ARHGEF10L: variants seen among roughly 807,000 people sequenced by gnomAD.
ARHGEF10L encodes the protein rho guanine nucleotide exchange factor 10-like protein.
Under a neutral mutation model 141.2 loss-of-function variants are expected in ARHGEF10L, and 69 were observed. That is an observed-to-expected ratio of 0.49 (90% CI 0.40 to 0.60). ARHGEF10L has a LOEUF of 0.60. Ranked by LOEUF, ARHGEF10L falls within the 20% of genes least tolerant of loss-of-function variation. The probability of loss-of-function intolerance (pLI) is 0.00; values close to 1 mark genes in which losing one functional copy is unlikely to be tolerated. For synonymous variants in ARHGEF10L, 711 were observed against 718.5 expected (o/e 0.99, Z 0.17); for missense variants, 1,482 against 1,734.3 (o/e 0.85, Z 2.58).
At position 17,697,326 on chromosome 1, in the gene ARHGEF10L, G is replaced by A. The variant is rs200943209; in HGVS notation, c.3786G>A (p.Pro1262=). 289 of 1,611,594 alleles carry A rather than the reference G, an allele frequency of 1.8e-4. No homozygotes were observed. The highest frequency in any genetic ancestry group is 2.1e-4 in the Non-Finnish European group (252 of 1,179,164). ...SALGSSGRQA[P]CGETDSTLLI... ...TGGGCAGCAGTGGGAGGCAGGCCCC[G>A]TGTGGGGAGACGGACAGCACCCTCC... Residue 1262 remains proline, a synonymous_variant, in exon 29 of 29, where the codon CCG becomes CCA. Coordinates refer to ENST00000361221, the MANE Select transcript of ARHGEF10L (RefSeq NM_018125.4). The surrounding 1 kb of genome is among the most constrained non-coding windows in gnomAD (Gnocchi z 4.8).
intron 1 of ARHGEF10L, among the ~76,000 whole-genome samples, chr1:17,569,927 A>T (rs537587244): frequency 6.6e-6 from 1 of 152,256 alleles, no homozygotes; most frequent in Non-Finnish European, 1.5e-5. Flanking sequence ...CCTTCTGACC[A>T]TTTCCTGGCA....
chr1:17,551,276 C>T (rs999976336), intron 1 of ARHGEF10L, among the ~76,000 whole-genome samples: 4 of 152,126 alleles, frequency 2.6e-5, no homozygotes, highest in Admixed American at 6.5e-5. Flanking sequence ...TAAGGTGTGG[C>T]GCCCCTTAAT....
At chr1:17,549,125 C>T (rs990259902) in intron 1 of ARHGEF10L, among the ~76,000 whole-genome samples, 9 of 151,828 alleles carry the variant, frequency 5.9e-5, no homozygotes, top group South Asian at 4.2e-4. Context: ...TGGGTTCGAG[C>T]GATTCTCCAG....
At chr1:17,606,335 C>A (rs975804358) in intron 6 of ARHGEF10L, among the ~76,000 whole-genome samples, 12 of 151,712 alleles carry the variant, frequency 7.9e-5, no homozygotes, top group Non-Finnish European at 1.5e-4. Context: ...TCTCTGTCAC[C>A]CAGGCTGGAG....
rs1268918253 is a variant in ARHGEF10L at position 17,627,854 on chromosome 1, C to T, written c.1584+351C>T. 6.6e-6 allele frequency among the ~76,000 whole-genome samples: 1 copy of T among 152,054 alleles called. No homozygotes were observed. Among genetic ancestry groups the T allele is most frequent in the Non-Finnish European group, 1.5e-5 (1 of 68,004 alleles). ...GCTGTGTGCCCTCAAGGGAATCACCCACCCTCTCTGAACCTCACTTGCTCC... is the reference window on the plus strand; with the variant it reads ...GCTGTGTGCCCTCAAGGGAATCACCTACCCTCTCTGAACCTCACTTGCTCC... On this transcript the variant is annotated intron_variant, in intron 15 of 28. Coordinates refer to ENST00000361221, the MANE Select transcript of ARHGEF10L (RefSeq NM_018125.4). The surrounding 1 kb of genome is among the most constrained non-coding windows in gnomAD (Gnocchi z 4.0).
chr1:17,582,726 T>C (rs1394347325), intron 2 of ARHGEF10L, among the ~76,000 whole-genome samples: 7 of 152,190 alleles, frequency 4.6e-5, no homozygotes, highest in East Asian at 1.9e-4. Flanking sequence ...CCCTTCCTCT[T>C]GGCACCGTCT....
At chr1:17,650,259 A>T (rs569589799) in intron 22 of ARHGEF10L, among the ~76,000 whole-genome samples, 5 of 151,394 alleles carry the variant, frequency 3.3e-5, no homozygotes, top group African/African-American at 2.4e-5. Context: ...AAATAAAAAT[A>T]AAAAAAAATT....
intron 1 of ARHGEF10L, among the ~76,000 whole-genome samples, 200 bp downstream of exon 1, chr1:17,540,150 G>A (rs2076665907): frequency 6.6e-6 from 1 of 152,154 alleles, no homozygotes; most frequent in Middle Eastern, 3.4e-3. Flanking sequence ...CCCTCTGTGT[G>A]GGTCTCTCCT....
chr1:17,692,154 G>T (rs2065152832), intron 27 of ARHGEF10L, among the ~76,000 whole-genome samples: 1 of 152,160 alleles, frequency 6.6e-6, no homozygotes, highest in Admixed American at 6.5e-5. Context: ...TTTTGGAATG[G>T]ATTTAGGTGT....
At chr1:17,567,170 G>A (rs1316651900) in intron 1 of ARHGEF10L, among the ~76,000 whole-genome samples, 2 of 152,200 alleles carry the variant, frequency 1.3e-5, no homozygotes, top group Non-Finnish European at 1.5e-5. Flanking sequence ...CCGTGCATCC[G>A]CCCCTCCAGC....
intron 26 of ARHGEF10L, among the ~76,000 whole-genome samples, chr1:17,680,218 G>T (rs1051796207): frequency 6.6e-6 from 1 of 152,204 alleles, no homozygotes; most frequent in Admixed American, 6.5e-5. Flanking sequence ...GACACACGGT[G>T]GGTACCTGTA....
intron 1 of ARHGEF10L, among the ~76,000 whole-genome samples, chr1:17,561,276 C>A (rs146947463): frequency 1.3e-5 from 2 of 152,188 alleles, no homozygotes; most frequent in South Asian, 2.1e-4. Flanking sequence ...ACCTCCCCCC[C>A]GCCCCGTCAT....
chr1:17,640,818 G>A (rs567849056), intron 21 of ARHGEF10L, among the ~76,000 whole-genome samples: 3 of 152,160 alleles, frequency 2.0e-5, no homozygotes, highest in African/African-American at 7.2e-5. Flanking sequence ...CAAAGACCTC[G>A]TTACTATGTT....
intron 1 of ARHGEF10L, among the ~76,000 whole-genome samples, chr1:17,551,091 G>A (rs1412304134): frequency 6.6e-6 from 1 of 152,094 alleles, no homozygotes; most frequent in Non-Finnish European, 1.5e-5. Context: ...AAGGGGGGCA[G>A]TCCACCTCGT....
the ARHGEF10L span, among the ~76,000 whole-genome samples, chr1:17,515,364 G>A: frequency 6.6e-6 from 1 of 151,332 alleles, no homozygotes; most frequent in East Asian, 1.9e-4. Flanking sequence ...TGTGATCTCG[G>A]CTCACTGCAA....
intron 3 of ARHGEF10L, 33 bp downstream of exon 3, chr1:17,587,678 G>C (rs141657283): frequency 4.4e-6 from 7 of 1,579,464 alleles, no homozygotes; most frequent in Admixed American, 1.8e-5. Flanking sequence ...CGGTCCTGGG[G>C]CTACAGGGAG....
At chr1:17,635,976 C>G (rs1326691238) in intron 18 of ARHGEF10L, among the ~76,000 whole-genome samples, 1 of 152,184 alleles carries the variant, frequency 6.6e-6, no homozygotes, top group African/African-American at 2.4e-5. Context: ...ACCACCTACT[C>G]TTGCCGTCTG....
At position 17,656,054 on chromosome 1, in the gene ARHGEF10L, C is replaced by T. The variant is rs751116113; in HGVS notation, c.2657C>T (p.Pro886Leu). 2 of 1,566,064 alleles carry T rather than the reference C, an allele frequency of 1.3e-6. No individual in the cohort carries two copies. The highest frequency in any genetic ancestry group is 1.7e-6 in the Non-Finnish European group (2 of 1,154,988). ...SRDESPTVAD[P>L]SATVHPTICL... is the part of the protein sequence containing the mutation. The stretch of plus-strand genomic sequence containing the variant: ...GACGAGAGCCCGACAGTTGCTGACC[C>T]CTCGGCCACGGTGCATCCAACCATC... The change falls in exon 24 of 29, where the codon CCC becomes CTC. Residue 886 changes from proline (P) to leucine (L), a missense_variant. Pro to Leu is a moderately conservative substitution (Grantham distance 98). This residue lies in a region of ARHGEF10L where 858 missense variants were observed against 966.3 expected (regional missense o/e 0.89). Coordinates refer to ENST00000361221, the MANE Select transcript of ARHGEF10L (RefSeq NM_018125.4). The surrounding 1 kb of genome is among the most constrained non-coding windows in gnomAD (Gnocchi z 4.9).
Position 17,697,245 on chromosome 1 carries a change from T to G in ARHGEF10L, c.3705T>G (p.Ile1235Met). ...PCARDAHRKE[I>M]CSVAIISGGQ... Reference sequence around the variant, plus strand: ...CCCGCGACGCCCACCGCAAGGAGATTTGCTCTGTGGCCATCATCTCCGGCG... The same window carrying G: ...CCCGCGACGCCCACCGCAAGGAGATGTGCTCTGTGGCCATCATCTCCGGCG... The change falls in exon 29 of 29, where the codon ATT becomes ATG. Residue 1235 changes from isoleucine (I) to methionine (M), a missense_variant. Ile to Met is a conservative substitution (Grantham distance 10, BLOSUM62 1). Transcript: ENST00000361221. This position sits in a 1 kb window ranked among gnomAD's most constrained non-coding sequence, Gnocchi z 4.8. 1 of 1,612,556 alleles carries G rather than the reference T, an allele frequency of 6.2e-7. No individual in the cohort carries two copies. Among genetic ancestry groups the G allele is most frequent in the Non-Finnish European group, 8.5e-7 (1 of 1,179,778 alleles).
Sources: allele counts gnomAD v4.1 joint callset (sites outside exome capture counted in the v4.1 genomes callset), GRCh38; gene constraint gnomAD v4.1.1; regional missense constraint gnomAD v4.1.1; non-coding constraint Gnocchi (gnomAD v3.1); transcripts MANE v1.5; gene names NCBI Gene and HGNC (gene_info 2026-07-23, HGNC 2026-07-21).